TRPM4: variants seen among roughly 807,000 people sequenced by gnomAD.
The protein encoded by TRPM4 is calcium-activated non-selective cation channel 1.
A neutral mutation model predicts 135.6 loss-of-function variants in TRPM4; 124 were observed. The observed-to-expected ratio is 0.91, with a 90% CI of 0.79 to 1.06. TRPM4 has a LOEUF of 1.06. Among genes scored for constraint, TRPM4 ranks in the 50% least tolerant of loss-of-function variants. The pLI, the probability that TRPM4 is intolerant of heterozygous loss-of-function variation, is 0.00. For missense variants in TRPM4, 1,658 were observed against 1,671.4 expected (o/e 0.99, Z 0.14); for synonymous variants, 745 against 705.6 (o/e 1.06, Z -0.88).
At position 49,182,622 on chromosome 19, in the gene TRPM4, C is replaced by A. The variant is rs200262546; in HGVS notation, c.1308C>A (p.Asp436Glu). The change falls in exon 11 of 25, where the codon GAC (aspartate) becomes GAA (glutamate). Residue 436 changes from aspartate (D) to glutamate (E), a missense_variant. Physicochemically the swap from Asp to Glu is conservative, Grantham distance 45 (BLOSUM62 2). Transcript: ENST00000252826. Reference sequence around the variant, plus strand: ...CCCTCATGGACGCCCTGCTGAATGACCGGCCTGAGTTCGTGCGCTTGCTCA... The same window carrying A: ...CCCTCATGGACGCCCTGCTGAATGAACGGCCTGAGTTCGTGCGCTTGCTCA... ...EASLMDALLN[D>E]RPEFVRLLIS... The A allele has an allele frequency of 4.2e-5, 67 of 1,614,042 alleles. No homozygotes were observed. Among genetic ancestry groups the A allele is most frequent in the Non-Finnish European group, 4.2e-5 (49 of 1,180,052 alleles).
chr19:49,163,588 C>G (rs140461741), intron 2 of TRPM4, among the ~76,000 whole-genome samples: 2,083 of 151,258 alleles, frequency 0.014, 44 homozygotes, highest in Middle Eastern at 0.028. Flanking sequence ...AACTCCTGAG[C>G]TCAAGTGATC....
chr19:49,157,872 G>A lies in TRPM4; in HGVS notation c.6G>A (p.Val2=), dbSNP rs531997715. 3.3e-6 allele frequency: 5 copies of A among 1,534,942 alleles called. No homozygotes were observed. Among genetic ancestry groups the A allele is most frequent in the Admixed American group, 2.0e-5 (1 of 50,960 alleles). Residue 2 remains valine (V), a synonymous_variant, in exon 1 of 25, where the codon GTG becomes GTA. Transcript: ENST00000252826. M[V]VPEKEQSWIP... ...GTTGCGGCGGCCGCGGCAGCATGGT[G>A]GTGCCGGAGAAGGAGCAGGTGAGCG...
Position 49,168,248 on chromosome 19 carries a change from G to GA in TRPM4, c.449-12_449-11insA. On this transcript the variant is annotated splice_polypyrimidine_tract_variant and intron_variant, in intron 4 of 24. Coordinates refer to ENST00000252826, the MANE Select transcript of TRPM4 (RefSeq NM_017636.4). ...TCCCCCTGCCTCTGCATGTTCCTCGGCGTCTGTGTAGGAGCCTGGATTGTC... is the reference window on the plus strand; with the variant it reads ...TCCCCCTGCCTCTGCATGTTCCTCGGACGTCTGTGTAGGAGCCTGGATTGTC... The GA allele has an allele frequency of 1.2e-6, 2 of 1,614,088 alleles. No individual in the cohort carries two copies. Among genetic ancestry groups the GA allele is most frequent in the Non-Finnish European group, 1.7e-6 (2 of 1,180,032 alleles).
intron 9 of TRPM4, among the ~76,000 whole-genome samples, 164 bp from the exon 10 acceptor site, chr19:49,181,185 T>C (rs566198870): frequency 4.6e-4 from 70 of 152,320 alleles, no homozygotes; most frequent in African/African-American, 1.6e-3. Context: ...AATGACCTTA[T>C]GCCTATGATA....
In TRPM4 at chr19:49,196,007, C is replaced by T. The variant is rs774317049; in HGVS notation, c.2211-433C>T. On this transcript the variant is annotated intron_variant, in intron 16 of 24. Coordinates refer to ENST00000252826, the MANE Select transcript of TRPM4 (RefSeq NM_017636.4). The stretch of plus-strand genomic sequence containing the variant: ...CCGAGTATGTGGGACTACTGGCATG[C>T]GCCACCAGACCCGGCTAATTTTTGT... 2.8e-4 allele frequency among the ~76,000 whole-genome samples: 42 copies of T among 151,872 alleles called. No individual in the cohort carries two copies. The South Asian group carries it at 7.7e-3, about 28-fold the overall frequency.
rs1969372306 is a variant in TRPM4 at position 49,211,560 on chromosome 19, C to T, written c.*62C>T. 7 of 1,609,716 alleles carry T rather than the reference C, an allele frequency of 4.3e-6. No homozygotes were observed. The highest frequency in any genetic ancestry group is 5.1e-6 in the Non-Finnish European group (6 of 1,176,826). ...GGGATTTTGCTCCTAGAGTAAGGCT[C>T]ATCTGGGCCTCGGCCCCCGCACCTG... is the stretch of plus-strand genomic sequence containing the variant. On this transcript the variant is annotated 3_prime_UTR_variant, in exon 25 of 25. Transcript: ENST00000252826. The surrounding 1 kb of genome is among the most constrained non-coding windows in gnomAD (Gnocchi z 4.8).
rs769977589 is a variant in TRPM4, at chr19:49,157,836, G to A, written c.-31G>A. On this transcript the variant is annotated 5_prime_UTR_variant, in exon 1 of 25. Transcript: ENST00000252826. Reference sequence around the variant, plus strand: ...CGGCGGAGGGAGCGCCGGGGCCCTGGGCTGCAGGAGGTTGCGGCGGCCGCG... The same window carrying A: ...CGGCGGAGGGAGCGCCGGGGCCCTGAGCTGCAGGAGGTTGCGGCGGCCGCG... 10 of 1,534,334 alleles carry A rather than the reference G, an allele frequency of 6.5e-6. No homozygotes were observed. In the Admixed American group the frequency reaches 1.8e-4, roughly 27 times the overall value.
chr19:49,189,600 G>A (rs1229148172), intron 14 of TRPM4, among the ~76,000 whole-genome samples: 1 of 151,824 alleles, frequency 6.6e-6, no homozygotes, highest in Non-Finnish European at 1.5e-5. Context: ...CTTCCTATAG[G>A]AAATCATCTG....
intron 15 of TRPM4, 61 bp downstream of exon 15, chr19:49,190,381 G>T (rs972551150): frequency 6.4e-6 from 9 of 1,397,360 alleles, no homozygotes; most frequent in South Asian, 4.7e-5. Flanking sequence ...TCTCCTTCCT[G>T]CCCCCTCTGC....
chr19:49,188,921 C>G, intron 13 of TRPM4, 25 bp from the exon 14 acceptor site: 2 of 1,614,046 alleles, frequency 1.2e-6, no homozygotes, highest in Non-Finnish European at 8.5e-7. Flanking sequence ...CCATCCCTGT[C>G]ACATAACTAA....
Position 49,210,381 on chromosome 19 carries a change from T to C in TRPM4, c.3304T>C (p.Ser1102Pro). 6.2e-7 allele frequency: 1 copy of C among 1,613,760 alleles called. No individual in the cohort carries two copies. The highest frequency in any genetic ancestry group is 8.5e-7 in the Non-Finnish European group (1 of 1,180,014). The change falls in exon 21 of 25, where the codon TCC becomes CCC. Residue 1102 changes from serine (S) to proline (P), a missense_variant. Ser to Pro is a moderately conservative substitution (Grantham distance 74). Around this residue, in one of 3 missense-constraint regions of TRPM4, gnomAD observed 1,412 missense variants for 1,408.7 expected, o/e 1.00. Coordinates refer to ENST00000252826, the MANE Select transcript of TRPM4 (RefSeq NM_017636.4). The surrounding 1 kb of genome is among the most constrained non-coding windows in gnomAD (Gnocchi z 4.1). ...CAGGCGACCCCGGAGCCCCCAGCCGTCCTCCCCGGCCCTCGAGCATTTCCG... is the reference window on the plus strand; with the variant it reads ...CAGGCGACCCCGGAGCCCCCAGCCGCCCTCCCCGGCCCTCGAGCATTTCCG... ...LCRRPRSPQP[S>P]SPALEHFRVY... is the part of the protein sequence containing the mutation.
At chr19:49,202,208 A>AACCCCGT in intron 20 of TRPM4, 67 bp downstream of exon 20, 1 of 1,548,894 alleles carries the variant, frequency 6.5e-7, no homozygotes, top group African/African-American at 1.4e-5. Context: ...ATGACTCTTG[A>AACCCCGT]ACCCCGTCTA....
At chr19:49,203,474 C>T (rs113040753) in intron 20 of TRPM4, among the ~76,000 whole-genome samples, 11,018 of 152,168 alleles carry the variant, frequency 0.072, 1,164 homozygotes, top group African/African-American at 0.24. Context: ...CCACCGCGGC[C>T]GGAGTTGATT....
At chr19:49,203,662 T>C (rs1969037220) in intron 20 of TRPM4, among the ~76,000 whole-genome samples, 1 of 152,234 alleles carries the variant, frequency 6.6e-6, no homozygotes, top group South Asian at 2.1e-4. Context: ...GTGTATTTTC[T>C]GTCTCTATGG....
intron 2 of TRPM4, among the ~76,000 whole-genome samples, chr19:49,160,563 G>A (rs1417436740): frequency 6.6e-6 from 1 of 152,128 alleles, no homozygotes. Context: ...AGGACCATAT[G>A]GTTTGGCTTG....
Position 49,171,801 on chromosome 19 carries a change from G to A in TRPM4, c.1050+32G>A. Reference sequence around the variant, plus strand: ...CACTGGGGGCCCAACTCTGGATCCTGAGATGGGAGGGAACTGGGGACTTGG... The same window carrying A: ...CACTGGGGGCCCAACTCTGGATCCTAAGATGGGAGGGAACTGGGGACTTGG... On this transcript the variant is annotated intron_variant, in intron 8 of 24. Transcript: ENST00000252826. The surrounding 1 kb of genome is among the most constrained non-coding windows in gnomAD (Gnocchi z 4.7). The A allele has an allele frequency of 1.2e-6, 2 of 1,600,080 alleles. No homozygotes were observed. The highest frequency in any genetic ancestry group is 1.7e-6 in the Non-Finnish European group (2 of 1,173,966).
At chr19:49,196,964 C>A in intron 17 of TRPM4, 90 bp downstream of exon 17, 2 of 1,316,264 alleles carry the variant, frequency 1.5e-6, no homozygotes, top group South Asian at 1.4e-5. Context: ...GGCTTCCCCG[C>A]AGCTGGGCAG....
In TRPM4 at chr19:49,211,159, C is replaced by G; in HGVS notation, c.3535-5C>G. On this transcript the variant is annotated splice_polypyrimidine_tract_variant and splice_region_variant and intron_variant, in intron 23 of 24. Transcript: ENST00000252826. The surrounding 1 kb of genome is among the most constrained non-coding windows in gnomAD (Gnocchi z 4.8). ...TCCCGCTCTGACATTCCTCCCATTC[C>G]GCAGGTCCAGCAGTGTAGCCGCGTC... 3 of 1,607,310 alleles carry G rather than the reference C, an allele frequency of 1.9e-6. No homozygotes were observed. Among genetic ancestry groups the G allele is most frequent in the Non-Finnish European group, 2.5e-6 (3 of 1,177,342 alleles).
rs1386565106 is a variant in TRPM4 at position 49,167,724 on chromosome 19, G to A, written c.268-193G>A. 10 of 564,160 alleles carry A rather than the reference G, an allele frequency of 1.8e-5. 2 individuals carry two copies. The highest frequency in any genetic ancestry group is 2.8e-5 in the Non-Finnish European group (9 of 316,354). 34.9% of individuals were successfully genotyped at this position (564,160 alleles called of 1,614,324 possible). ...TCTGTCCCCATCTCTCTGGGTCTCT[G>A]TCCCTCTCTCTCTGGGTCTCTGTCC... is the stretch of plus-strand genomic sequence containing the variant. On this transcript the variant is annotated intron_variant, in intron 3 of 24. Coordinates refer to ENST00000252826, the MANE Select transcript of TRPM4 (RefSeq NM_017636.4).
Sources: gnomAD v4.1 joint callset for allele counts (sites outside exome capture counted in the v4.1 genomes callset) on GRCh38, gnomAD v4.1.1 for gene constraint, gnomAD v4.1.1 regional missense constraint, Gnocchi (gnomAD v3.1) non-coding constraint, MANE v1.5 for transcripts, NCBI Gene and HGNC (gene_info 2026-07-23, HGNC 2026-07-21) for gene names.